SND1: variants seen among roughly 807,000 people sequenced by gnomAD.
SND1 encodes the protein staphylococcal nuclease and tudor domain containing 1, also known as staphylococcal nuclease domain-containing protein 1.
In SND1, 38 loss-of-function variants were observed where a neutral mutation model predicts 121.7. The ratio of observed to expected loss-of-function variants is 0.31; its 90% CI spans 0.24 to 0.41. The LOEUF is 0.41. SND1 is among the 10% of genes least tolerant of loss of function. The probability of loss-of-function intolerance (pLI) is 1.00; values close to 1 mark genes in which losing one functional copy is unlikely to be tolerated. For missense variants in SND1, 868 were observed against 1,184.6 expected (o/e 0.73, Z 3.92); for synonymous variants, 401 against 447.4 (o/e 0.90, Z 1.31).
rs551954129 is a variant in SND1 at position 128,003,866 on chromosome 7, T to G, written c.1779+12810T>G. Among the ~76,000 whole-genome samples, 12 of 152,070 alleles carry G rather than the reference T, an allele frequency of 7.9e-5. No individual in the cohort carries two copies. In the South Asian group the frequency reaches 1.2e-3, roughly 16 times the overall value. ...ACAGCCAAGCTCCCTACCTCTGGAG[T>G]GAGGGGCTGGTCTCGTGGCCTGCCT... On this transcript the variant is annotated intron_variant, in intron 16 of 23. Transcript: ENST00000354725.
intron 4 of SND1, among the ~76,000 whole-genome samples, chr7:127,699,793 C>T (rs1587604804): frequency 6.6e-6 from 1 of 152,292 alleles, no homozygotes; most frequent in African/African-American, 2.4e-5. Flanking sequence ...AGTCCCTGCT[C>T]TCTTATATGA....
intron 10 of SND1, among the ~76,000 whole-genome samples, chr7:127,786,971 A>G (rs975675125): frequency 5.9e-5 from 9 of 152,202 alleles, no homozygotes; most frequent in African/African-American, 2.2e-4. Flanking sequence ...AAATTAGCAT[A>G]TGAGTTAAAC....
At position 127,792,230 on chromosome 7, in the gene SND1, T is replaced by C. The variant is rs566591473; in HGVS notation, c.1153-15254T>C. 4.6e-5 allele frequency among the ~76,000 whole-genome samples: 7 copies of C among 152,320 alleles called. No homozygotes were observed. The East Asian group carries it at 1.4e-3, about 29-fold the overall frequency. ...TTTTATTGGATCTTTTGTGCATATCTGCACAGTGGAGGTGGTCATGGTGTG... is the reference window on the plus strand; with the variant it reads ...TTTTATTGGATCTTTTGTGCATATCCGCACAGTGGAGGTGGTCATGGTGTG... On this transcript the variant is annotated intron_variant, in intron 10 of 23. Transcript: ENST00000354725.
intron 14 of SND1, among the ~76,000 whole-genome samples, chr7:127,917,935 C>T (rs1800619449): frequency 6.6e-6 from 1 of 152,090 alleles, no homozygotes; most frequent in South Asian, 2.1e-4. Flanking sequence ...ATTATAAGAA[C>T]TAATTCACTG....
chr7:127,801,722 C>T (rs1563018345), intron 10 of SND1, among the ~76,000 whole-genome samples: 1 of 152,206 alleles, frequency 6.6e-6, no homozygotes, highest in Non-Finnish European at 1.5e-5. Context: ...AAGGTGCACG[C>T]CACCATAGTC....
At chr7:127,981,657 T>TC (rs1487337100) in intron 15 of SND1, among the ~76,000 whole-genome samples, 10 of 152,224 alleles carry the variant, frequency 6.6e-5, no homozygotes, top group African/African-American at 9.6e-5. Context: ...AATGCTTTTT[T>TC]CCCATTTGGG....
intron 15 of SND1, among the ~76,000 whole-genome samples, chr7:127,986,144 C>T (rs559419024): frequency 9.2e-5 from 14 of 152,238 alleles, no homozygotes; most frequent in Admixed American, 8.5e-4. Flanking sequence ...ATACTCAGAG[C>T]GATACATAAG....
At chr7:128,039,803 G>T (rs957280656) in intron 16 of SND1, among the ~76,000 whole-genome samples, 3 of 152,222 alleles carry the variant, frequency 2.0e-5, no homozygotes, top group Non-Finnish European at 2.9e-5. Context: ...AAGATCAAAT[G>T]CTTTGAAAGT....
Position 128,092,448 on chromosome 7 carries a change from G to A in SND1, c.*390G>A, listed in dbSNP as rs897736451. On this transcript the variant is annotated 3_prime_UTR_variant, in exon 24 of 24. Transcript: ENST00000354725. This position sits in a 1 kb window ranked among gnomAD's most constrained non-coding sequence, Gnocchi z 4.9. Reference sequence around the variant, plus strand: ...CCTGCCTCTATCCCAGACTGCCCTCGTCCCAGCTCTCTGTCCAACTGTTGA... The same window carrying A: ...CCTGCCTCTATCCCAGACTGCCCTCATCCCAGCTCTCTGTCCAACTGTTGA... The A allele has an allele frequency of 8.6e-6, 2 of 231,480 alleles. No individual in the cohort carries two copies. The highest frequency in any genetic ancestry group is 1.7e-5 in the Non-Finnish European group (2 of 117,380). The allele number at this position is 231,480 out of a possible 1,614,324, so 14.3% of individuals were successfully genotyped here.
intron 11 of SND1, among the ~76,000 whole-genome samples, chr7:127,823,405 C>T (rs1298220462): frequency 6.6e-6 from 1 of 152,120 alleles, no homozygotes; most frequent in East Asian, 1.9e-4. Flanking sequence ...TTATTTCCTT[C>T]TTTTCTGAGT....
rs113797872 is a variant in SND1, at chr7:128,069,123, T to G, written c.1780-5379T>G. On this transcript the variant is annotated intron_variant, in intron 16 of 23. Coordinates refer to ENST00000354725, the MANE Select transcript of SND1 (RefSeq NM_014390.4). ...GACAGTCACACACTTGAGCTCATCC[T>G]ATCAACCCCACTTGCCTTACCTTCA... 2.9e-3 allele frequency among the ~76,000 whole-genome samples: 449 copies of G among 152,360 alleles called. 1 individual carries two copies. Among genetic ancestry groups the G allele is most frequent in the African/African-American group, 0.01 (432 of 41,586 alleles).
At chr7:127,712,633 C>A (rs1014975157) in intron 9 of SND1, among the ~76,000 whole-genome samples, 15 of 152,322 alleles carry the variant, frequency 9.8e-5, no homozygotes, top group African/African-American at 3.6e-4. Flanking sequence ...GTTTTCTCGC[C>A]ACTGTCTCAG....
At chr7:127,762,871 T>A (rs1797331138) in intron 10 of SND1, among the ~76,000 whole-genome samples, 1 of 152,248 alleles carries the variant, frequency 6.6e-6, no homozygotes, top group Non-Finnish European at 1.5e-5. Context: ...AATGGCATCA[T>A]GTTTTGCTGT....
chr7:127,703,366 G>C (rs745508899), intron 7 of SND1, 43 bp downstream of exon 7: 2 of 1,600,508 alleles, frequency 1.2e-6, no homozygotes, highest in Admixed American at 1.7e-5. Flanking sequence ...GGCTAGGGAT[G>C]CATTTGGGGT....
intron 15 of SND1, among the ~76,000 whole-genome samples, chr7:127,984,950 T>G (rs1802350564): frequency 1.3e-5 from 2 of 152,226 alleles, no homozygotes; most frequent in Admixed American, 1.3e-4. Context: ...GCGGGGATTG[T>G]GTTTTAAACA....
intron 16 of SND1, among the ~76,000 whole-genome samples, chr7:128,006,297 A>T (rs1445777874): frequency 2.6e-5 from 4 of 151,984 alleles, no homozygotes; most frequent in Middle Eastern, 6.8e-3. Context: ...TTCACTTGGA[A>T]AAGGTAATGG....
At chr7:127,907,745 G>A (rs750486560) in intron 14 of SND1, among the ~76,000 whole-genome samples, 1 of 152,142 alleles carries the variant, frequency 6.6e-6, no homozygotes, top group African/African-American at 2.4e-5. Context: ...CATAATGGTG[G>A]AGCAAATAAC....
At chr7:127,727,413 TC>T (rs1796601358) in intron 10 of SND1, among the ~76,000 whole-genome samples, 1 of 152,098 alleles carries the variant, frequency 6.6e-6, no homozygotes, top group Non-Finnish European at 1.5e-5. Context: ...TTCAACCTAT[TC>T]CCTCCAGTTT....
rs953753278 is a variant in SND1 at position 127,932,208 on chromosome 7, T to C, written c.1669+2879T>C. 6.6e-5 allele frequency among the ~76,000 whole-genome samples: 10 copies of C among 152,258 alleles called. 1 individual carries two copies. The East Asian group carries it at 1.7e-3, about 26-fold the overall frequency. On this transcript the variant is annotated intron_variant, in intron 15 of 23. Transcript: ENST00000354725. ...AACATTTGTGATTCATGGGAGGAGG[T>C]TGAAACAGCAACCAGCATAAACAGG... is the stretch of plus-strand genomic sequence containing the variant.
Sources: gnomAD v4.1 joint callset for allele counts (sites outside exome capture counted in the v4.1 genomes callset) on GRCh38, gnomAD v4.1.1 for gene constraint, Gnocchi (gnomAD v3.1) non-coding constraint, MANE v1.5 for transcripts, NCBI Gene and HGNC (gene_info 2026-07-23, HGNC 2026-07-21) for gene names.